LTBP2: variants seen among roughly 807,000 people sequenced by gnomAD.
The protein encoded by LTBP2 is latent-transforming growth factor beta-binding protein 2.
In LTBP2, 103 loss-of-function variants were observed where a neutral mutation model predicts 210.6. The ratio of observed to expected loss-of-function variants is 0.49; its 90% confidence interval spans 0.42 to 0.58. The LOEUF is 0.58. LTBP2 is among the 20% of genes least tolerant of loss of function. LTBP2 has a pLI of 0.00. For synonymous variants in LTBP2, 1,007 were observed against 1,015.0 expected, an observed-to-expected ratio of 0.99 and a Z score of 0.15; for missense variants, 2,313 against 2,494.5, an observed-to-expected ratio of 0.93 and a Z score of 1.55.
In LTBP2 at chr14:74,552,933, T is replaced by C. The variant is rs1293232584; in HGVS notation, c.1151A>G (p.Gln384Arg). ...CTTGGGATCGTGCCCATGGCCGCCC[T>C]GGCTGTACAGGGTGGTGGTGTCGCC... ...ERGDTTTLYSQGGHGHDPKSG... is the reference protein window; with the variant it reads ...ERGDTTTLYSRGGHGHDPKSG... Residue 384 changes from glutamine (Q) to arginine (R), a missense_variant, in exon 5 of 36, where the codon CAG becomes CGG. Gln to Arg is a conservative substitution (Grantham distance 43). This residue lies in a region of LTBP2 where 1,867 missense variants were observed against 1,976.9 expected (regional missense o/e 0.94). Transcript: ENST00000261978. 1 of 1,613,808 alleles carries C rather than the reference T, an allele frequency of 6.2e-7. No homozygotes were observed. The highest frequency in any genetic ancestry group is 8.5e-7 in the Non-Finnish European group (1 of 1,179,936).
At position 74,500,984 on chromosome 14, in the gene LTBP2, A is replaced by T. The variant is rs529229239; in HGVS notation, c.5366T>A (p.Val1789Asp). Reference protein sequence around the residue: ...DDLNGPAVLCVHGYCENTEGS... With the variant: ...DDLNGPAVLCDHGYCENTEGS... The stretch of plus-strand genomic sequence containing the variant: ...CTCTGTGTTCTCGCAGTAACCATGG[A>T]CACAGAGCACAGCAGGCCCGTTCAA... Residue 1789 changes from valine (V) to aspartate (D), a missense_variant, in exon 36 of 36, where the codon GTC (valine) becomes GAC (aspartate). Val to Asp is a radical substitution (Grantham distance 152, BLOSUM62 -3). Coordinates refer to ENST00000261978, the MANE Select transcript of LTBP2 (RefSeq NM_000428.3). 76 of 1,614,152 alleles carry T rather than the reference A, an allele frequency of 4.7e-5. No individual in the cohort carries two copies. The South Asian group carries it at 5.1e-4, about 11-fold the overall frequency.
chr14:74,593,016 C>G (rs2088304267), intron 2 of LTBP2, among the ~76,000 whole-genome samples: 1 of 152,270 alleles, frequency 6.6e-6, no homozygotes, highest in Non-Finnish European at 1.5e-5. Flanking sequence ...TTTGGGTGTT[C>G]CGCTCTGTGG....
intron 18 of LTBP2, 70 bp downstream of exon 18, chr14:74,516,752 T>C (rs1169918974): frequency 2.0e-6 from 3 of 1,490,522 alleles, no homozygotes; most frequent in Non-Finnish European, 1.8e-6. Flanking sequence ...GTGTTGGTGG[T>C]GGGCAGTGCG....
intron 15 of LTBP2, among the ~76,000 whole-genome samples, chr14:74,524,162 T>G (rs1298726137): frequency 6.6e-6 from 1 of 152,028 alleles, no homozygotes; most frequent in East Asian, 1.9e-4. Context: ...TTCCCATCCC[T>G]TCCTCCAGGT....
intron 28 of LTBP2, 143 bp from the exon 29 acceptor site, chr14:74,505,317 C>A: frequency 1.1e-6 from 1 of 893,998 alleles, no homozygotes. Flanking sequence ...CTCACTGAGG[C>A]TCTCCACAAC....
intron 9 of LTBP2, among the ~76,000 whole-genome samples, chr14:74,533,689 G>A (rs895556490): frequency 6.6e-6 from 1 of 152,208 alleles, no homozygotes; most frequent in African/African-American, 2.4e-5. Context: ...GCATCCCCCC[G>A]GAAACCCGTG....
intron 3 of LTBP2, among the ~76,000 whole-genome samples, chr14:74,584,616 C>T (rs1349416855): frequency 6.6e-6 from 1 of 152,180 alleles, no homozygotes; most frequent in Admixed American, 6.5e-5. Flanking sequence ...TAGCTCTGCT[C>T]CTTGTTTCTG....
At chr14:74,601,495 CG>C in intron 2 of LTBP2, among the ~76,000 whole-genome samples, 1 of 152,252 alleles carries the variant, frequency 6.6e-6, no homozygotes, top group Non-Finnish European at 1.5e-5. Flanking sequence ...CAGGCATCCA[CG>C]TTCCCTGAAA....
At chr14:74,594,022 G>T (rs1293721635) in intron 2 of LTBP2, among the ~76,000 whole-genome samples, 1 of 152,174 alleles carries the variant, frequency 6.6e-6, no homozygotes, top group Non-Finnish European at 1.5e-5. Flanking sequence ...TATATAGATT[G>T]TTATGCCCAT....
rs1240024710 is a variant in LTBP2, at chr14:74,505,084, C to T, written c.4268G>A (p.Cys1423Tyr). The change falls in exon 29 of 36, where the codon TGC (cysteine) becomes TAC (tyrosine). Residue 1423 changes from cysteine (C) to tyrosine (Y), a missense_variant. Coordinates refer to ENST00000261978, the MANE Select transcript of LTBP2 (RefSeq NM_000428.3). Reference protein sequence around the residue: ...CYSGQKGHAPCSSVLGRNTTQ... With the variant: ...CYSGQKGHAPYSSVLGRNTTQ... ...GGTGTTCCGGCCCAGGACACTGGAG[C>T]AGGGCGCATGGCCCTTCTGCCCGGA... is the stretch of plus-strand genomic sequence containing the variant. The T allele has an allele frequency of 1.2e-6, 2 of 1,614,008 alleles. No individual in the cohort carries two copies. Among genetic ancestry groups the T allele is most frequent in the Non-Finnish European group, 1.7e-6 (2 of 1,180,042 alleles).
At chr14:74,525,402 T>C (rs2087259787) in intron 14 of LTBP2, among the ~76,000 whole-genome samples, 177 bp from the exon 15 acceptor site, 1 of 152,204 alleles carries the variant, frequency 6.6e-6, no homozygotes, top group South Asian at 2.1e-4. Context: ...CTGAGAGCTC[T>C]AACAGGCGTT....
chr14:74,512,568 G>T (rs2087085213), intron 18 of LTBP2, among the ~76,000 whole-genome samples: 1 of 152,184 alleles, frequency 6.6e-6, no homozygotes, highest in Non-Finnish European at 1.5e-5. Context: ...CCTCTCTGAG[G>T]TTGTTTGGCT....
At chr14:74,527,198 A>G in intron 13 of LTBP2, 149 bp downstream of exon 13, 1 of 1,011,188 alleles carries the variant, frequency 9.9e-7, no homozygotes, top group East Asian at 2.6e-5. Context: ...CAATCCTCCC[A>G]CTTGGTCATC....
At chr14:74,602,408 T>C (rs2088460993) in intron 2 of LTBP2, among the ~76,000 whole-genome samples, 1 of 152,046 alleles carries the variant, frequency 6.6e-6, no homozygotes, top group South Asian at 2.1e-4. Flanking sequence ...GTGACAGCAA[T>C]AGTACCATCA....
chr14:74,601,729 A>G (rs907191389), intron 2 of LTBP2, among the ~76,000 whole-genome samples: 36 of 152,318 alleles, frequency 2.4e-4, no homozygotes, highest in African/African-American at 7.7e-4. Context: ...CATCCCATCA[A>G]GTGGGGTGTT....
At chr14:74,505,324 C>T (rs1000315853) in intron 28 of LTBP2, 150 bp from the exon 29 acceptor site, 3 of 876,168 alleles carry the variant, frequency 3.4e-6, no homozygotes, top group Admixed American at 2.0e-5. Flanking sequence ...AGGCTCTCCA[C>T]AACCCTAAGA....
intron 25 of LTBP2, among the ~76,000 whole-genome samples, chr14:74,507,688 T>G (rs983451892): frequency 6.6e-6 from 1 of 152,254 alleles, no homozygotes; most frequent in Non-Finnish European, 1.5e-5. Context: ...CATCCATAAC[T>G]GTCTATTTGT....
intron 14 of LTBP2, 26 bp downstream of exon 14, chr14:74,526,049 A>G: frequency 6.3e-7 from 1 of 1,593,282 alleles, no homozygotes; most frequent in Non-Finnish European, 8.6e-7. Context: ...TCTTTTGCCT[A>G]GGAGCCGCCA....
intron 33 of LTBP2, 26 bp from the exon 34 acceptor site, chr14:74,502,960 G>A: frequency 6.2e-7 from 1 of 1,608,362 alleles, no homozygotes; most frequent in South Asian, 1.1e-5. Context: ...GAGAGAAGGA[G>A]CTGGGTTCTA....
Sources: gnomAD v4.1 joint callset for allele counts (sites outside exome capture counted in the v4.1 genomes callset) on GRCh38, gnomAD v4.1.1 for gene constraint, gnomAD v4.1.1 regional missense constraint, MANE v1.5 for transcripts, NCBI Gene and HGNC (gene_info 2026-07-23, HGNC 2026-07-21) for gene names.